Variants in NELL1 observed in about 807,000 individuals in gnomAD.
NELL1 encodes the protein neural EGFL like 1, also known as protein kinase C-binding protein NELL1.
A neutral mutation model predicts 107.4 loss-of-function variants in NELL1; 76 were observed. The observed-to-expected ratio is 0.71, with a 90% CI of 0.59 to 0.86. The LOEUF is 0.86. Among genes scored for constraint, NELL1 ranks in the 40% least tolerant of loss-of-function variants. The pLI is 0.00. For synonymous variants in NELL1, 353 were observed against 341.2 expected, an observed-to-expected ratio of 1.03 and a Z score of -0.38; for missense variants, 1,024 against 1,005.5, an observed-to-expected ratio of 1.02 and a Z score of -0.25.
At chr11:21,569,455 T>TATGATGATGATGATGATG (rs147067365) in intron 17 of NELL1, among the ~76,000 whole-genome samples, 2 of 149,774 alleles carry the variant, frequency 1.3e-5, no homozygotes, top group South Asian at 2.1e-4. Flanking sequence ...CATGGTAGAA[T>TATGATGATGATGATGATG]ATGATGATGA....
chr11:21,554,738 A>C (rs566630006), intron 16 of NELL1, among the ~76,000 whole-genome samples: 1 of 151,910 alleles, frequency 6.6e-6, no homozygotes. Context: ...ATTTTTCTAC[A>C]TAATGGGACC....
chr11:21,095,144 C>T (rs979556268), intron 12 of NELL1, among the ~76,000 whole-genome samples: 3 of 152,204 alleles, frequency 2.0e-5, no homozygotes, highest in Non-Finnish European at 2.9e-5. Context: ...CAAAGTTCCA[C>T]ACATCTCTAG....
chr11:20,720,628 A>G (rs1444666172), intron 2 of NELL1, among the ~76,000 whole-genome samples: 1 of 152,100 alleles, frequency 6.6e-6, no homozygotes, highest in Non-Finnish European at 1.5e-5. Flanking sequence ...TCCAAAATCA[A>G]GGTATTGGTG....
At chr11:21,158,139 C>T (rs1231083857) in intron 13 of NELL1, among the ~76,000 whole-genome samples, 1 of 152,160 alleles carries the variant, frequency 6.6e-6, no homozygotes, top group Non-Finnish European at 1.5e-5. Context: ...AGCCCTTGAA[C>T]ATCAGACTTC....
chr11:21,246,201 T>C (rs569811104), intron 14 of NELL1, among the ~76,000 whole-genome samples: 13 of 152,296 alleles, frequency 8.5e-5, no homozygotes, highest in Non-Finnish European at 1.8e-4. Flanking sequence ...CAGTTTTCTA[T>C]GAAGAAGGCA....
chr11:20,974,930 A>T (rs758827357), intron 12 of NELL1, among the ~76,000 whole-genome samples: 2 of 152,218 alleles, frequency 1.3e-5, no homozygotes, highest in Non-Finnish European at 1.5e-5. Flanking sequence ...ATCAACTTCG[A>T]CAAATTGCAA....
chr11:20,690,915 G>A (rs1854447730), intron 2 of NELL1, among the ~76,000 whole-genome samples: 1 of 151,960 alleles, frequency 6.6e-6, no homozygotes, highest in Admixed American at 6.6e-5. Flanking sequence ...CTACCCATGA[G>A]CATGGAATGT....
intron 16 of NELL1, among the ~76,000 whole-genome samples, chr11:21,553,858 G>T (rs562608693): frequency 5.3e-5 from 8 of 151,842 alleles, no homozygotes; most frequent in South Asian, 2.1e-4. Context: ...TAAAATACAG[G>T]GAAAGTAATT....
intron 12 of NELL1, among the ~76,000 whole-genome samples, chr11:21,080,234 A>AG (rs1854234116): frequency 6.6e-6 from 1 of 152,054 alleles, no homozygotes; most frequent in African/African-American, 2.4e-5. Flanking sequence ...GCACGTCATA[A>AG]AAATTTAACT....
chr11:21,095,532 G>C (rs1854620657), intron 12 of NELL1, among the ~76,000 whole-genome samples: 1 of 152,144 alleles, frequency 6.6e-6, no homozygotes, highest in South Asian at 2.1e-4. Flanking sequence ...AAAGAAAGAG[G>C]TTTAATTGGA....
intron 2 of NELL1, among the ~76,000 whole-genome samples, chr11:20,746,460 T>C (rs544916813): frequency 6.6e-6 from 1 of 152,216 alleles, no homozygotes; most frequent in South Asian, 2.1e-4. Context: ...GAGATATTAA[T>C]ATTGTCCTCC....
intron 15 of NELL1, among the ~76,000 whole-genome samples, chr11:21,409,539 T>A (rs10833527): frequency 0.3 from 46,010 of 151,538 alleles, 7,262 homozygotes; most frequent in Admixed American, 0.4. Context: ...TATGTAACTA[T>A]CCTGCATATT....
chr11:21,019,300 T>C (rs1852643313), intron 12 of NELL1, among the ~76,000 whole-genome samples: 1 of 152,084 alleles, frequency 6.6e-6, no homozygotes, highest in South Asian at 2.1e-4. Context: ...ATAGGAACAT[T>C]GGATCCCAAG....
At chr11:20,909,902 T>G (rs1440198580) in intron 5 of NELL1, among the ~76,000 whole-genome samples, 6 of 152,152 alleles carry the variant, frequency 3.9e-5, no homozygotes, top group Non-Finnish European at 8.8e-5. Context: ...TGGAGCACCC[T>G]CTCTTTGCAG....
chr11:21,232,159 A>AAAAAAATATATATATATATATAT (rs1554985116), intron 14 of NELL1, among the ~76,000 whole-genome samples: 1 of 73,206 alleles, frequency 1.4e-5, no homozygotes, highest in African/African-American at 5.2e-5. Context: ...AAAAAAAAAA[A>AAAAAAATATATATATATATATAT]ATATATATAT....
At chr11:21,388,897 A>T (rs1851805570) in intron 15 of NELL1, among the ~76,000 whole-genome samples, 1 of 151,884 alleles carries the variant, frequency 6.6e-6, no homozygotes, top group African/African-American at 2.4e-5. Flanking sequence ...ATCTAAAATT[A>T]GTTTCATGTA....
chr11:21,142,183 G>T (rs946942104), intron 13 of NELL1, among the ~76,000 whole-genome samples: 7 of 152,170 alleles, frequency 4.6e-5, no homozygotes, highest in African/African-American at 1.7e-4. Context: ...AATTCTACCA[G>T]CTGGGGGCGT....
In NELL1 at chr11:21,572,074, T is replaced by C. The variant is rs1046147753; in HGVS notation, c.2158-1111T>C. Reference sequence around the variant, plus strand: ...GCATGACTCAGATAAATAAAAATTGTAGTCATTTTTTAAAACTCCCACCCA... The same window carrying C: ...GCATGACTCAGATAAATAAAAATTGCAGTCATTTTTTAAAACTCCCACCCA... On this transcript the variant is annotated intron_variant, in intron 18 of 19. Coordinates refer to ENST00000357134, the MANE Select transcript of NELL1 (RefSeq NM_006157.5). Among the ~76,000 whole-genome samples the C allele has an allele frequency of 3.6e-5, 5 of 140,644 alleles. No homozygotes were observed. In the Admixed American group the frequency reaches 3.7e-4, roughly 10 times the overall value. The allele number at this position is 140,644 out of a possible 152,430, so 92.3% of individuals were successfully genotyped here. A position where few individuals can be genotyped will look rare whatever the true frequency, so the allele number is the denominator to read the frequency against.
chr11:20,958,254 C>CA (rs57808063), intron 11 of NELL1, among the ~76,000 whole-genome samples: 105 of 148,272 alleles, frequency 7.1e-4, no homozygotes, highest in Middle Eastern at 3.4e-3. Flanking sequence ...TTCATCTCTC[C>CA]AAAAAAAAAA....
Sources: allele counts gnomAD v4.1 joint callset (sites outside exome capture counted in the v4.1 genomes callset), GRCh38; gene constraint gnomAD v4.1.1; transcripts MANE v1.5; gene names NCBI Gene and HGNC (gene_info 2026-07-23, HGNC 2026-07-21).